Variants in UBE3C observed in about 807,000 individuals in gnomAD.
The protein encoded by UBE3C is ubiquitin-protein ligase E3C.
In UBE3C, 42 loss-of-function variants were observed where a neutral mutation model predicts 129.4. The observed-to-expected ratio is 0.32, with a 90% CI of 0.25 to 0.42. The LOEUF (loss-of-function observed/expected upper bound fraction) is 0.42, where lower values mean the gene tolerates loss of function less well. Ranked by LOEUF, UBE3C falls within the 10% of genes least tolerant of loss-of-function variation. UBE3C has a pLI of 1.00. For synonymous variants in UBE3C, 510 were observed against 492.4 expected, an observed-to-expected ratio of 1.04 and a Z score of -0.47; for missense variants, 1,049 against 1,319.1, an observed-to-expected ratio of 0.80 and a Z score of 3.17.
At chr7:157,176,814 C>G (rs929908840) in intron 5 of UBE3C, among the ~76,000 whole-genome samples, 8 of 152,130 alleles carry the variant, frequency 5.3e-5, no homozygotes, top group African/African-American at 1.9e-4. Context: ...TGCCCCAGGC[C>G]TGGGGCTGTT....
At chr7:157,149,539 C>CA (rs1305016825) in intron 1 of UBE3C, among the ~76,000 whole-genome samples, 4 of 152,156 alleles carry the variant, frequency 2.6e-5, no homozygotes, top group Admixed American at 6.5e-5. Context: ...GCGGACCCTG[C>CA]ACTGGCACAT....
chr7:157,250,483 G>A (rs1796595304), intron 19 of UBE3C, among the ~76,000 whole-genome samples: 1 of 151,958 alleles, frequency 6.6e-6, no homozygotes, highest in Non-Finnish European at 1.5e-5. Flanking sequence ...CACCATTCCT[G>A]GCTAATTTTT....
intron 22 of UBE3C, among the ~76,000 whole-genome samples, chr7:157,263,867 T>TA (rs1417282780): frequency 6.6e-6 from 1 of 152,102 alleles, no homozygotes; most frequent in East Asian, 1.9e-4. Context: ...ATTATTTTTT[T>TA]ATGTTTCCTT....
At chr7:157,185,621 A>G (rs997267268) in intron 9 of UBE3C, among the ~76,000 whole-genome samples, 1 of 152,144 alleles carries the variant, frequency 6.6e-6, no homozygotes, top group Non-Finnish European at 1.5e-5. Flanking sequence ...ACTTAATTAT[A>G]TAAAACCTAA....
Position 157,254,290 on chromosome 7 carries a change from A to G in UBE3C, c.2930A>G (p.Lys977Arg). The G allele has an allele frequency of 6.2e-7, 1 of 1,612,546 alleles. No homozygotes were observed. The highest frequency in any genetic ancestry group is 8.5e-7 in the Non-Finnish European group (1 of 1,179,676). ...AQVPISLEDL[K>R]SFTNYSGGYS... Reference sequence around the variant, plus strand: ...GTTCCCATAAGCCTAGAGGACCTAAAATCCTTTACAAACTATTCAGGTATG... The same window carrying G: ...GTTCCCATAAGCCTAGAGGACCTAAGATCCTTTACAAACTATTCAGGTATG... The change falls in exon 21 of 23, where the codon AAA becomes AGA. Residue 977 changes from lysine to arginine, a missense_variant. Lys to Arg is a conservative substitution (Grantham distance 26). Transcript: ENST00000348165.
intron 18 of UBE3C, among the ~76,000 whole-genome samples, chr7:157,233,058 C>A (rs563159619): frequency 6.6e-6 from 1 of 152,106 alleles, no homozygotes; most frequent in Admixed American, 6.6e-5. Flanking sequence ...TGCCCTTCCT[C>A]CCCCAGCCCT....
chr7:157,186,449 T>TA (rs1808808459), intron 9 of UBE3C, among the ~76,000 whole-genome samples: 1 of 152,004 alleles, frequency 6.6e-6, no homozygotes, highest in Non-Finnish European at 1.5e-5. Flanking sequence ...TACTCTCACT[T>TA]ATTTTGCTTA....
chr7:157,223,460 A>G lies in UBE3C; in HGVS notation c.2100+109A>G. On this transcript the variant is annotated intron_variant, in intron 16 of 22. Transcript: ENST00000348165. ...AGGTGCCTAGTGCCTGGCTGATTAC[A>G]TAACATACTTTTCTCATTAGGCTGA... The G allele has an allele frequency of 7.8e-6, 7 of 894,314 alleles. No individual in the cohort carries two copies. In the South Asian group the frequency reaches 1.1e-4, roughly 15 times the overall value. 55.4% of individuals were successfully genotyped at this position (894,314 alleles called of 1,614,324 possible).
rs925837268 is a variant in UBE3C at position 157,174,116 on chromosome 7, G to A, written c.343-803G>A. ...GGTGGCTCACGTGTATAATCCCAGC[G>A]CTTTGGGAGGCTGAGGTTGGTGGAT... is the stretch of plus-strand genomic sequence containing the variant. On this transcript the variant is annotated intron_variant, in intron 4 of 22. Transcript: ENST00000348165. Among the ~76,000 whole-genome samples, 10 of 152,058 alleles carry A rather than the reference G, an allele frequency of 6.6e-5. No individual in the cohort carries two copies. The South Asian group carries it at 8.3e-4, about 13-fold the overall frequency.
chr7:157,145,475 G>A (rs987656836), intron 1 of UBE3C, among the ~76,000 whole-genome samples: 20 of 152,066 alleles, frequency 1.3e-4, no homozygotes, highest in African/African-American at 3.9e-4. Flanking sequence ...CTGAGATCAC[G>A]CCATTGCACT....
intron 18 of UBE3C, among the ~76,000 whole-genome samples, chr7:157,241,412 G>A (rs1276385293): frequency 9.8e-5 from 15 of 152,338 alleles, no homozygotes; most frequent in Admixed American, 9.8e-4. Flanking sequence ...GGATCCAATT[G>A]GACATCTCTC....
chr7:157,165,186 G>A (rs142377611), intron 2 of UBE3C, among the ~76,000 whole-genome samples: 3,596 of 152,044 alleles, frequency 0.024, 68 homozygotes, highest in Middle Eastern at 0.048. Flanking sequence ...GAAAATTCTC[G>A]GCCATTATCT....
intron 2 of UBE3C, among the ~76,000 whole-genome samples, chr7:157,166,565 A>ACC (rs1471219480): frequency 6.6e-6 from 1 of 151,720 alleles, no homozygotes; most frequent in African/African-American, 2.4e-5. Context: ...ACATGAAGAA[A>ACC]CCCCATCTCT....
At chr7:157,154,775 G>A (rs911443921) in intron 1 of UBE3C, among the ~76,000 whole-genome samples, 2 of 152,208 alleles carry the variant, frequency 1.3e-5, no homozygotes, top group Admixed American at 1.3e-4. Flanking sequence ...AGCAGAAGGA[G>A]TGGAGAAGGA....
chr7:157,212,496 A>G (rs1809622494), intron 13 of UBE3C, among the ~76,000 whole-genome samples: 1 of 152,238 alleles, frequency 6.6e-6, no homozygotes, highest in Non-Finnish European at 1.5e-5. Flanking sequence ...AGGTCAGTTA[A>G]GCAAGATTTT....
At position 157,193,989 on chromosome 7, in the gene UBE3C, C is replaced by G. The variant is rs577581000; in HGVS notation, c.1331+6968C>G. ...TTGTTTTTGTATGTGCATCTATAGG[C>G]ACTGAACTGATATGAACAAAATTTC... On this transcript the variant is annotated intron_variant, in intron 10 of 22. Coordinates refer to ENST00000348165, the MANE Select transcript of UBE3C (RefSeq NM_014671.3). Among the ~76,000 whole-genome samples the G allele has an allele frequency of 2.0e-5, 3 of 152,280 alleles. No individual in the cohort carries two copies. The South Asian group carries it at 6.2e-4, about 32-fold the overall frequency.
intron 14 of UBE3C, among the ~76,000 whole-genome samples, chr7:157,218,203 T>C (rs562437291): frequency 6.6e-6 from 1 of 152,192 alleles, no homozygotes; most frequent in African/African-American, 2.4e-5. Context: ...CCCAGCACTT[T>C]GGGAGGCCAA....
At chr7:157,184,601 T>C (rs1808758387) in intron 9 of UBE3C, among the ~76,000 whole-genome samples, 1 of 152,218 alleles carries the variant, frequency 6.6e-6, no homozygotes, top group South Asian at 2.1e-4. Flanking sequence ...TTGAAATGGC[T>C]TGAGGTATGG....
At chr7:157,256,409 C>T (rs10240474) in intron 21 of UBE3C, among the ~76,000 whole-genome samples, 19,762 of 151,464 alleles carry the variant, frequency 0.13, 1,532 homozygotes, top group African/African-American at 0.2. Flanking sequence ...TCCCAAAGTG[C>T]TGGGATTACA....
Sources: gnomAD v4.1 joint callset for allele counts (sites outside exome capture counted in the v4.1 genomes callset) on GRCh38, gnomAD v4.1.1 for gene constraint, MANE v1.5 for transcripts, NCBI Gene and HGNC (gene_info 2026-07-23, HGNC 2026-07-21) for gene names.